Variants in SATL1 observed in about 807,000 individuals in gnomAD.
The protein encoded by SATL1 is spermidine/spermine N(1)-acetyltransferase-like protein 1.
SATL1 carries 47 observed loss-of-function variants against 51.8 expected under a neutral mutation model. The ratio of observed to expected loss-of-function variants is 0.91; its 90% CI spans 0.72 to 1.16. SATL1 has a LOEUF of 1.16. Among genes scored for constraint, SATL1 ranks in the 50% most tolerant of loss-of-function variants. SATL1 has a pLI of 0.00. For synonymous variants in SATL1, 176 were observed against 182.4 expected, an observed-to-expected ratio of 0.97 and a Z score of 0.28; for missense variants, 520 against 526.4, an observed-to-expected ratio of 0.99 and a Z score of 0.12.
At chrX:85,104,373 T>C (rs1924979303) in intron 3 of SATL1, among the ~76,000 whole-genome samples, 1 of 111,972 alleles carries the variant, frequency 8.9e-6, no homozygotes, top group African/African-American at 3.2e-5. Flanking sequence ...TTATTTTACA[T>C]ACTCAGGTTC....
intron 2 of SATL1, among the ~76,000 whole-genome samples, chrX:85,110,604 A>G (rs1169044548): frequency 9.0e-6 from 1 of 111,175 alleles, no homozygotes; most frequent in African/African-American, 3.3e-5. Context: ...CCCCAAGTGT[A>G]GTAAACGGAG....
intron 2 of SATL1, among the ~76,000 whole-genome samples, chrX:85,136,135 T>C (rs1569234233): frequency 9.1e-6 from 1 of 109,757 alleles, no homozygotes; most frequent in Non-Finnish European, 1.9e-5. Context: ...CTTTCATGAA[T>C]AGTTGAGAGT....
At chrX:85,144,928 T>C (rs1387147772) in intron 2 of SATL1, among the ~76,000 whole-genome samples, 1 of 110,401 alleles carries the variant, frequency 9.1e-6, no homozygotes, top group Non-Finnish European at 1.9e-5. Flanking sequence ...TCCCAGGTAC[T>C]TGGGGGGCTG....
chrX:85,100,099 G>C (rs1474690019), intron 4 of SATL1, among the ~76,000 whole-genome samples: 21 of 112,049 alleles, frequency 1.9e-4, no homozygotes, highest in Non-Finnish European at 1.7e-4. Context: ...CCAGCTACTC[G>C]GGAGGCAGAG....
intron 1 of SATL1, among the ~76,000 whole-genome samples, chrX:85,235,758 C>G (rs1326991107): frequency 9.0e-6 from 1 of 110,524 alleles, no homozygotes; most frequent in Admixed American, 9.6e-5. Flanking sequence ...AATAAACAAC[C>G]TAATGATGCA....
At chrX:85,141,472 TGTC>T (rs943791481) in intron 2 of SATL1, among the ~76,000 whole-genome samples, 16 of 112,012 alleles carry the variant, frequency 1.4e-4, no homozygotes, top group African/African-American at 5.2e-4. Context: ...TCCTATGACT[TGTC>T]AGTCTGATAG....
intron 3 of SATL1, among the ~76,000 whole-genome samples, chrX:85,105,488 A>G (rs1444112202): frequency 8.9e-6 from 1 of 111,864 alleles, no homozygotes; most frequent in Non-Finnish European, 1.9e-5. Flanking sequence ...TGGTTCACCA[A>G]TGGTCCAAAA....
chrX:85,150,530 C>T (rs1926398327), intron 2 of SATL1, among the ~76,000 whole-genome samples: 1 of 109,904 alleles, frequency 9.1e-6, no homozygotes, highest in African/African-American at 3.3e-5. Context: ...AATTTTAGAC[C>T]AATATCCTTG....
intron 3 of SATL1, among the ~76,000 whole-genome samples, chrX:85,107,020 G>A (rs766989306): frequency 1.8e-5 from 2 of 111,609 alleles, no homozygotes; most frequent in South Asian, 7.5e-4. Flanking sequence ...CCAGGAAAGA[G>A]AACACATTCA....
intron 2 of SATL1, among the ~76,000 whole-genome samples, chrX:85,118,102 T>TTTTTTTTTTTTTTTTTTTTTA (rs1362404904): frequency 1.0e-5 from 1 of 97,917 alleles, no homozygotes; most frequent in Admixed American, 1.2e-4. Context: ...TTTTTTTTTT[T>TTTTTTTTTTTTTTTTTTTTTA]TCCAGAGTGC....
intron 2 of SATL1, among the ~76,000 whole-genome samples, chrX:85,158,877 A>C (rs981173046): frequency 1.8e-5 from 2 of 112,101 alleles, no homozygotes; most frequent in African/African-American, 6.5e-5. Flanking sequence ...ATAAATTGAA[A>C]GTAGGAGGAG....
intron 1 of SATL1, among the ~76,000 whole-genome samples, chrX:85,239,918 C>G (rs1252092350): frequency 9.2e-6 from 1 of 108,490 alleles, no homozygotes; most frequent in Non-Finnish European, 1.9e-5. Flanking sequence ...AACCTTAAAA[C>G]TGACACCAAA....
chrX:85,147,013 G>A (rs1046623727), intron 2 of SATL1, among the ~76,000 whole-genome samples: 17 of 112,687 alleles, frequency 1.5e-4, no homozygotes, highest in African/African-American at 1.9e-4. Flanking sequence ...AAAGCAGAGC[G>A]AGGCATTGCC....
intron 2 of SATL1, among the ~76,000 whole-genome samples, chrX:85,167,331 C>A (rs1926865083): frequency 9.2e-6 from 1 of 108,656 alleles, no homozygotes; most frequent in Admixed American, 1.0e-4. Context: ...GCACCAGAAT[C>A]TCAGATATCA....
At chrX:85,157,031 G>T (rs1400885099) in intron 2 of SATL1, among the ~76,000 whole-genome samples, 1 of 106,657 alleles carries the variant, frequency 9.4e-6, no homozygotes, top group Non-Finnish European at 1.9e-5. Context: ...TATCAGAAAC[G>T]GCAGCAATGC....
chrX:85,106,419 AG>A (rs1368724349), intron 3 of SATL1, among the ~76,000 whole-genome samples: 1 of 112,244 alleles, frequency 8.9e-6, no homozygotes, highest in East Asian at 2.8e-4. Context: ...CACTCTCCAA[AG>A]GGAACACAAA....
chrX:85,106,490 A>G (rs1925044449), intron 3 of SATL1, among the ~76,000 whole-genome samples: 1 of 112,271 alleles, frequency 8.9e-6, no homozygotes, highest in Admixed American at 9.4e-5. Flanking sequence ...AAACATTTTC[A>G]TTACAAAACA....
At chrX:85,122,995 GT>G (rs753872638) in intron 2 of SATL1, among the ~76,000 whole-genome samples, 2 of 111,489 alleles carry the variant, frequency 1.8e-5, no homozygotes, top group Admixed American at 9.6e-5. Flanking sequence ...TGATTCCATT[GT>G]TTTTTATGAC....
chrX:85,173,984 C>T (rs755790572), intron 2 of SATL1, among the ~76,000 whole-genome samples: 1 of 99,933 alleles, frequency 1.0e-5, no homozygotes, highest in East Asian at 3.5e-4. Flanking sequence ...CAAGTGTTCT[C>T]GTTGTTCAAT....
Sources: allele counts gnomAD v4.1 joint callset (sites outside exome capture counted in the v4.1 genomes callset), GRCh38; gene constraint gnomAD v4.1.1; transcripts MANE v1.5; gene names NCBI Gene and HGNC (gene_info 2026-07-23, HGNC 2026-07-21).